ADAMTS2: variants seen among roughly 807,000 people sequenced by gnomAD.
The protein encoded by ADAMTS2 is ADAM metallopeptidase with thrombospondin type 1 motif 2, also known as A disintegrin and metalloproteinase with thrombospondin motifs 2.
Under a neutral mutation model 123.0 loss-of-function variants are expected in ADAMTS2, and 50 were observed. The observed-to-expected ratio is 0.41, with a 90% CI of 0.32 to 0.51. ADAMTS2 has a LOEUF of 0.51. Ranked by LOEUF, ADAMTS2 falls within the 20% of genes least tolerant of loss-of-function variation. The pLI is 0.35. For synonymous variants in ADAMTS2, 678 were observed against 695.4 expected (o/e 0.98, Z 0.39); for missense variants, 1,494 against 1,705.2 (o/e 0.88, Z 2.18).
chr5:179,240,173 T>A (rs1195900544), intron 3 of ADAMTS2, among the ~76,000 whole-genome samples: 1 of 152,168 alleles, frequency 6.6e-6, no homozygotes, highest in African/African-American at 2.4e-5. Flanking sequence ...AAAAGTCATC[T>A]GGAAGGAGGC....
Position 179,130,173 on chromosome 5 carries a change from C to A in ADAMTS2, c.2291-75G>T. 2 of 1,590,042 alleles carry A rather than the reference C, an allele frequency of 1.3e-6. No individual in the cohort carries two copies. The highest frequency in any genetic ancestry group is 2.2e-5 in the South Asian group (2 of 89,384). ...CCCAGGCCCACTGGTTTGGGCTGGTCGGGGAGTGGGGGCAGCTAGCTGGAC... is the reference window on the plus strand; with the variant it reads ...CCCAGGCCCACTGGTTTGGGCTGGTAGGGGAGTGGGGGCAGCTAGCTGGAC... On this transcript the variant is annotated intron_variant, in intron 15 of 21. Transcript: ENST00000251582. This position sits in a 1 kb window ranked among gnomAD's most constrained non-coding sequence, Gnocchi z 4.3.
rs1430426354 is a variant in ADAMTS2 at position 179,185,662 on chromosome 5, TAGACCGTCAG to T, written c.892-4517_892-4508del. On this transcript the variant is annotated intron_variant, in intron 4 of 21. Coordinates refer to ENST00000251582, the MANE Select transcript of ADAMTS2 (RefSeq NM_014244.5). The surrounding 1 kb of genome is among the most constrained non-coding windows in gnomAD (Gnocchi z 5.9). ...TCGCTGGGCATGGAACTCCCTGGGA[TAGACCGTCAG>T]CCTCACATTCTGCTTGGAGGTGGGG... Among the ~76,000 whole-genome samples the T allele has an allele frequency of 1.3e-5, 2 of 151,540 alleles. No individual in the cohort carries two copies. The highest frequency in any genetic ancestry group is 3.9e-4 in the East Asian group (2 of 5,142).
rs145694396 is a variant in ADAMTS2, at chr5:179,172,491, A to C, written c.975+8581T>G. Among the ~76,000 whole-genome samples the C allele has an allele frequency of 6.5e-4, 99 of 152,324 alleles. No homozygotes were observed. In the East Asian group the frequency reaches 0.018, roughly 28 times the overall value. On this transcript the variant is annotated intron_variant, in intron 5 of 21. Transcript: ENST00000251582. The stretch of plus-strand genomic sequence containing the variant: ...CCAGGAGGGTGGTGCCTGCTAACCC[A>C]GGGGCGTGGGCTTCTCATGCAGGGG...
intron 2 of ADAMTS2, among the ~76,000 whole-genome samples, chr5:179,333,570 A>C (rs1003531459): frequency 6.6e-6 from 1 of 151,124 alleles, no homozygotes; most frequent in African/African-American, 2.4e-5. Flanking sequence ...CTTCTGCAAG[A>C]CAAGCCACAG....
chr5:179,129,981 C>A lies in ADAMTS2; in HGVS notation c.2408G>T (p.Arg803Leu), dbSNP rs201653110. 1.9e-6 allele frequency: 3 copies of A among 1,614,082 alleles called. No individual in the cohort carries two copies. The East Asian group carries it at 6.7e-5, about 36-fold the overall frequency. Residue 803 changes from arginine to leucine, a missense_variant, in exon 16 of 22, where the codon CGG becomes CTG. By Grantham distance (102) the Arg-to-Leu change is moderately radical. Coordinates refer to ENST00000251582, the MANE Select transcript of ADAMTS2 (RefSeq NM_014244.5). The surrounding 1 kb of genome is among the most constrained non-coding windows in gnomAD (Gnocchi z 4.1). ...GGGGCCCATGGTCTGCAGCGTCTCC[C>A]GGCCGTCCTCGTCTCTGTACTCCCA... The part of the protein sequence containing the change: ...VEWEYRDEDG[R>L]ETLQTMGPLH...
rs770094463 is a variant in ADAMTS2 at position 179,140,799 on chromosome 5, C to CTTTTTTTTTTTTTTTTTTTTTTT, written c.1630-765_1630-764insAAAAAAAAAAAAAAAAAAAAAAA. ...TTTCCTTCAGTTCCGACTGCATGCT[C>CTTTTTTTTTTTTTTTTTTTTTTT]TTTTTTTTTTTTTTTTTTTGAGACA... On this transcript the variant is annotated intron_variant, in intron 10 of 21. Coordinates refer to ENST00000251582, the MANE Select transcript of ADAMTS2 (RefSeq NM_014244.5). 3.2e-4 allele frequency among the ~76,000 whole-genome samples: 29 copies of CTTTTTTTTTTTTTTTTTTTTTTT among 90,454 alleles called. 3 individuals carry two copies. Among genetic ancestry groups the CTTTTTTTTTTTTTTTTTTTTTTT allele is most frequent in the East Asian group, 6.5e-4 (2 of 3,060 alleles). The allele number at this position is 90,454 out of a possible 152,430, so 59.3% of individuals were successfully genotyped here.
In ADAMTS2 at chr5:179,113,913, T is replaced by C. The variant is rs1561761828; in HGVS notation, c.3590A>G (p.Glu1197Gly). ...YEKTRNQRIQ[E>G]LIDEMRKKEM... ...TTTCTTCCGCATCTCATCAATGAGCTCTTGGATTCTTTGGTTTCTGGTCTT... is the reference window on the plus strand; with the variant it reads ...TTTCTTCCGCATCTCATCAATGAGCCCTTGGATTCTTTGGTTTCTGGTCTT... Residue 1197 changes from glutamate to glycine, a missense_variant, in exon 22 of 22, where the codon GAG (glutamate) becomes GGG (glycine). This residue lies in a region of ADAMTS2 where 953 missense variants were observed against 1,124.7 expected (regional missense o/e 0.85). Transcript: ENST00000251582. The C allele has an allele frequency of 2.7e-5, 44 of 1,614,178 alleles. No homozygotes were observed. Among genetic ancestry groups the C allele is most frequent in the Non-Finnish European group, 3.7e-5 (44 of 1,180,038 alleles).
rs748178259 is a variant in ADAMTS2 at position 179,332,630 on chromosome 5, A to G, written c.534+11137T>C. Among the ~76,000 whole-genome samples, 26 of 142,780 alleles carry G rather than the reference A, an allele frequency of 1.8e-4. No individual in the cohort carries two copies. Among genetic ancestry groups the G allele is most frequent in the Non-Finnish European group, 3.3e-4 (22 of 65,948 alleles). The allele number at this position is 142,780 out of a possible 152,430, so 93.7% of individuals were successfully genotyped here. A position where few individuals can be genotyped will look rare whatever the true frequency, so the allele number is the denominator to read the frequency against. On this transcript the variant is annotated intron_variant, in intron 2 of 21. Coordinates refer to ENST00000251582, the MANE Select transcript of ADAMTS2 (RefSeq NM_014244.5). The surrounding 1 kb of genome is among the most constrained non-coding windows in gnomAD (Gnocchi z 4.2). Reference sequence around the variant, plus strand: ...AACCTGCATTGCCCCAGAAGCCCAGACCTCAGCTCAGGGCCAGTGTGCTGG... The same window carrying G: ...AACCTGCATTGCCCCAGAAGCCCAGGCCTCAGCTCAGGGCCAGTGTGCTGG...
chr5:179,262,995 A>T lies in ADAMTS2; in HGVS notation c.688+9916T>A, dbSNP rs1403884767. ...GAGCTGCTAATGCTATTATTCCCCC[A>T]TGATTTGGGGAGCAGTATTATTCCC... is the stretch of plus-strand genomic sequence containing the variant. On this transcript the variant is annotated intron_variant, in intron 3 of 21. Coordinates refer to ENST00000251582, the MANE Select transcript of ADAMTS2 (RefSeq NM_014244.5). This position sits in a 1 kb window ranked among gnomAD's most constrained non-coding sequence, Gnocchi z 5.9. Among the ~76,000 whole-genome samples, 1 of 144,012 alleles carries T rather than the reference A, an allele frequency of 6.9e-6. No individual in the cohort carries two copies. Among genetic ancestry groups the T allele is most frequent in the Non-Finnish European group, 1.5e-5 (1 of 66,500 alleles). The allele number at this position is 144,012 out of a possible 152,430, so 94.5% of individuals were successfully genotyped here. A position where few individuals can be genotyped will look rare whatever the true frequency, so the allele number is the denominator to read the frequency against.
intron 2 of ADAMTS2, chr5:179,341,348 G>C: frequency 2.6e-6 from 1 of 377,518 alleles, no homozygotes; most frequent in South Asian, 1.9e-5. Context: ...AGGAAAGAAA[G>C]AAAGAAAAAA....
rs545788568 is a variant in ADAMTS2 at position 179,303,992 on chromosome 5, G to T, written c.535-30928C>A. 6.6e-6 allele frequency among the ~76,000 whole-genome samples: 1 copy of T among 152,180 alleles called. No homozygotes were observed. Among genetic ancestry groups the T allele is most frequent in the Non-Finnish European group, 1.5e-5 (1 of 68,036 alleles). On this transcript the variant is annotated intron_variant, in intron 2 of 21. Transcript: ENST00000251582. This position sits in a 1 kb window ranked among gnomAD's most constrained non-coding sequence, Gnocchi z 4.7. ...CTGGGCTCGTGCTTGAGCCGTGCAC[G>T]AGTGGGTCTGACCCTAAACAACACG...
At chr5:179,125,579 C>G (rs1762839667) in intron 18 of ADAMTS2, among the ~76,000 whole-genome samples, 1 of 152,226 alleles carries the variant, frequency 6.6e-6, no homozygotes, top group South Asian at 2.1e-4. Flanking sequence ...ATTCCCTCAG[C>G]ACGCTGTCCT....
Position 179,343,984 on chromosome 5 carries a change from C to A in ADAMTS2, c.317G>T (p.Gly106Val). 2 of 1,612,664 alleles carry A rather than the reference C, an allele frequency of 1.2e-6. No homozygotes were observed. The highest frequency in any genetic ancestry group is 2.2e-5 in the South Asian group (2 of 91,026). ...CGTGACATTGTAGAAGAGGTGACTGCCAGGCTCCTCCTCGTTGCCTCCGGG... is the reference window on the plus strand; with the variant it reads ...CGTGACATTGTAGAAGAGGTGACTGACAGGCTCCTCCTCGTTGCCTCCGGG... ...SFPGGNEEEPGSHLFYNVTVF... is the reference protein window; with the variant it reads ...SFPGGNEEEPVSHLFYNVTVF... Residue 106 changes from glycine to valine, a missense_variant, in exon 2 of 22, where the codon GGC (glycine) becomes GTC (valine). Transcript: ENST00000251582.
intron 4 of ADAMTS2, among the ~76,000 whole-genome samples, chr5:179,186,355 C>T (rs1210577874): frequency 6.6e-6 from 1 of 152,218 alleles, no homozygotes; most frequent in Non-Finnish European, 1.5e-5. Flanking sequence ...TCCAGCCTCT[C>T]AGTCCCCGTA....
intron 5 of ADAMTS2, among the ~76,000 whole-genome samples, chr5:179,172,398 G>A (rs1581167523): frequency 6.6e-6 from 1 of 152,216 alleles, no homozygotes; most frequent in South Asian, 2.1e-4. Context: ...CATGAGGGGT[G>A]GGGGTCCCAG....
Position 179,128,809 on chromosome 5 carries a change from A to G in ADAMTS2, c.2458-691T>C, listed in dbSNP as rs193073400. ...TGAACGAAGCTTATTCAACACATGT[A>G]TTTTCTTCTTAAGACACCACTGCTT... On this transcript the variant is annotated intron_variant, in intron 16 of 21. Transcript: ENST00000251582. The surrounding 1 kb of genome is among the most constrained non-coding windows in gnomAD (Gnocchi z 4.9). Among the ~76,000 whole-genome samples the G allele has an allele frequency of 2.6e-4, 39 of 152,242 alleles. No individual in the cohort carries two copies. Among genetic ancestry groups the G allele is most frequent in the African/African-American group, 8.2e-4 (34 of 41,538 alleles).
chr5:179,152,894 G>A (rs1763388584), intron 9 of ADAMTS2, among the ~76,000 whole-genome samples: 1 of 152,114 alleles, frequency 6.6e-6, no homozygotes, highest in African/African-American at 2.4e-5. Context: ...GCTCAGGCAG[G>A]TTACCTAGCC....
rs1360343565 is a variant in ADAMTS2 at position 179,314,560 on chromosome 5, C to T, written c.534+29207G>A. Among the ~76,000 whole-genome samples the T allele has an allele frequency of 6.6e-6, 1 of 152,200 alleles. No individual in the cohort carries two copies. The highest frequency in any genetic ancestry group is 1.5e-5 in the Non-Finnish European group (1 of 68,026). ...CTCCTGCCTCTGCAGCCCCCCGGGC[C>T]GTGTCTCTCTCTCACGGGCCCACAT... On this transcript the variant is annotated intron_variant, in intron 2 of 21. Coordinates refer to ENST00000251582, the MANE Select transcript of ADAMTS2 (RefSeq NM_014244.5). This position sits in a 1 kb window ranked among gnomAD's most constrained non-coding sequence, Gnocchi z 4.5.
chr5:179,309,827 G>A (rs925074625), intron 2 of ADAMTS2, among the ~76,000 whole-genome samples: 1 of 149,970 alleles, frequency 6.7e-6, no homozygotes, highest in Admixed American at 6.6e-5. Context: ...ACCTCTCCGT[G>A]CCTCAGTTTC....
Sources: allele counts gnomAD v4.1 joint callset (sites outside exome capture counted in the v4.1 genomes callset), GRCh38; gene constraint gnomAD v4.1.1; regional missense constraint gnomAD v4.1.1; non-coding constraint Gnocchi (gnomAD v3.1); transcripts MANE v1.5; gene names NCBI Gene and HGNC (gene_info 2026-07-23, HGNC 2026-07-21).